The following NUDT9 variants were observed in gnomAD, a reference collection of about 807,000 sequenced individuals.
The protein encoded by NUDT9 is nudix hydrolase 9.
A neutral mutation model predicts 41.0 loss-of-function variants in NUDT9; 31 were observed. The observed-to-expected ratio is 0.76, with a 90% CI of 0.57 to 1.02. NUDT9 has a LOEUF of 1.02. NUDT9 is among the 50% of genes least tolerant of loss of function. The pLI, the probability that NUDT9 is intolerant of heterozygous loss-of-function variation, is 0.00. For missense variants in NUDT9, 380 were observed against 431.4 expected (o/e 0.88, Z 1.06); for synonymous variants, 146 against 147.6 (o/e 0.99, Z 0.08).
At chr4:87,435,432 A>G (rs541713288) in intron 2 of NUDT9, among the ~76,000 whole-genome samples, 1 of 152,348 alleles carries the variant, frequency 6.6e-6, no homozygotes, top group South Asian at 2.1e-4. Flanking sequence ...ACTTCCAAAT[A>G]GTTAAATCTG....
At chr4:87,438,816 T>C (rs1337455458) in intron 3 of NUDT9, among the ~76,000 whole-genome samples, 1 of 152,170 alleles carries the variant, frequency 6.6e-6, no homozygotes, top group East Asian at 1.9e-4. Flanking sequence ...AACTCAAAAA[T>C]TATCCATTTT....
intron 1 of NUDT9, among the ~76,000 whole-genome samples, chr4:87,431,243 A>G (rs780549454): frequency 6.6e-6 from 1 of 152,204 alleles, no homozygotes; most frequent in Non-Finnish European, 1.5e-5. Context: ...GTCAAAAATT[A>G]TTGTGAGGAT....
intron 1 of NUDT9, among the ~76,000 whole-genome samples, chr4:87,427,499 A>G (rs1346438208): frequency 6.6e-6 from 1 of 152,218 alleles, no homozygotes. Context: ...TAAATAGCAT[A>G]TATAGATAGC....
At chr4:87,449,927 A>G (rs762666006) in intron 5 of NUDT9, among the ~76,000 whole-genome samples, 1 of 152,038 alleles carries the variant, frequency 6.6e-6, no homozygotes, top group Non-Finnish European at 1.5e-5. Flanking sequence ...CATTGGCGCA[A>G]TCTTGGCTCA....
chr4:87,445,232 A>G (rs1409067732), intron 4 of NUDT9: 1 of 151,936 alleles, frequency 6.6e-6, no homozygotes, highest in Admixed American at 6.6e-5. Flanking sequence ...CTGACATCTG[A>G]ATCAGGGGTA....
chr4:87,426,649 A>G (rs2110157549), intron 1 of NUDT9, among the ~76,000 whole-genome samples: 1 of 151,548 alleles, frequency 6.6e-6, no homozygotes, highest in East Asian at 2.0e-4. Flanking sequence ...TGACCTTGCG[A>G]TCGCCTGCCT....
rs1721877603 is a variant in NUDT9, at chr4:87,435,236, AGC to A, written c.347+18_347+19del. 6.3e-7 allele frequency: 1 copy of A among 1,597,950 alleles called. No homozygotes were observed. Among genetic ancestry groups the A allele is most frequent in the African/African-American group, 1.3e-5 (1 of 74,258 alleles). On this transcript the variant is annotated intron_variant, in intron 2 of 7. Transcript: ENST00000302174. Reference sequence around the variant, plus strand: ...CTCAGATCAGGTGAGCAAATAAGACAGCGTTAGCTGGGAATAAGACTTTTAGA... The same window carrying A: ...CTCAGATCAGGTGAGCAAATAAGACAGTTAGCTGGGAATAAGACTTTTAGA...
At chr4:87,436,896 C>A (rs1331690517) in intron 2 of NUDT9, among the ~76,000 whole-genome samples, 1 of 152,090 alleles carries the variant, frequency 6.6e-6, no homozygotes, top group Non-Finnish European at 1.5e-5. Context: ...ACTGTCAGTG[C>A]AATTATGGCA....
chr4:87,454,543 A>G, intron 7 of NUDT9, 88 bp downstream of exon 7: 1 of 886,794 alleles, frequency 1.1e-6, no homozygotes. Context: ...TGGACTATTT[A>G]GCATCTTAAA....
chr4:87,446,746 T>C (rs1289295710), intron 4 of NUDT9, among the ~76,000 whole-genome samples: 2 of 152,214 alleles, frequency 1.3e-5, no homozygotes, highest in South Asian at 2.1e-4. Flanking sequence ...AACTATGTTA[T>C]AGGGTTGTTT....
chr4:87,451,736 G>A lies in NUDT9; in HGVS notation c.789+1G>A. ...ACTCTTCAGCCAAGACCACCTAGTG[G>A]TAAGAAATAGTGTTTCTGGGAGGGA... is the stretch of plus-strand genomic sequence containing the variant. On this transcript the variant is annotated splice_donor_variant, in intron 6 of 7. Transcript: ENST00000302174. LOFTEE classifies it high-confidence loss of function. The A allele has an allele frequency of 6.2e-7, 1 of 1,612,778 alleles. No individual in the cohort carries two copies. Among genetic ancestry groups the A allele is most frequent in the South Asian group, 1.1e-5 (1 of 90,958 alleles).
chr4:87,422,863 A>T lies in NUDT9; in HGVS notation c.-43A>T. 1 of 1,533,656 alleles carries T rather than the reference A, an allele frequency of 6.5e-7. No homozygotes were observed. Among genetic ancestry groups the T allele is most frequent in the Non-Finnish European group, 8.9e-7 (1 of 1,121,768 alleles). ...GGGGTGTGGGGAGGCGGAGGCACCA[A>T]CTAAGAGCGACCTAGCATCGCAAAG... On this transcript the variant is annotated 5_prime_UTR_variant, in exon 1 of 8. Transcript: ENST00000302174.
At chr4:87,456,348 T>C (rs1026823316) in intron 7 of NUDT9, among the ~76,000 whole-genome samples, 5 of 152,176 alleles carry the variant, frequency 3.3e-5, no homozygotes, top group Non-Finnish European at 5.9e-5. Context: ...CCCCAATCCT[T>C]AGGAAAGACA....
chr4:87,424,474 A>G (rs560913949), intron 1 of NUDT9, among the ~76,000 whole-genome samples: 16 of 151,878 alleles, frequency 1.1e-4, no homozygotes, highest in African/African-American at 3.4e-4. Flanking sequence ...GGTTAGGCTG[A>G]TCTGGTCTTG....
chr4:87,423,022 C>G lies in NUDT9; in HGVS notation c.107+10C>G. The G allele has an allele frequency of 6.2e-7, 1 of 1,602,988 alleles. No individual in the cohort carries two copies. The highest frequency in any genetic ancestry group is 8.5e-7 in the Non-Finnish European group (1 of 1,172,022). On this transcript the variant is annotated intron_variant, in intron 1 of 7. Transcript: ENST00000302174. ...GCATCCAGGCGTTCAGGTATTCCAC[C>G]CTCCTACTACCGGCTCCTTTGCCCT...
At chr4:87,431,263 G>T (rs936128445) in intron 1 of NUDT9, among the ~76,000 whole-genome samples, 1 of 152,042 alleles carries the variant, frequency 6.6e-6, no homozygotes, top group South Asian at 2.1e-4. Context: ...TTTATTTCTG[G>T]GTTCTACTTC....
intron 5 of NUDT9, 57 bp downstream of exon 5, chr4:87,449,310 A>T (rs1722609583): frequency 1.1e-6 from 1 of 890,780 alleles, no homozygotes; most frequent in African/African-American, 1.7e-5. Flanking sequence ...TACTTACTAC[A>T]GGGTTATTGT....
intron 1 of NUDT9, among the ~76,000 whole-genome samples, chr4:87,433,456 T>TA (rs1214238462): frequency 6.6e-6 from 1 of 152,230 alleles, no homozygotes; most frequent in Non-Finnish European, 1.5e-5. Flanking sequence ...TTGGGAGAAA[T>TA]ACCTCAAATG....
chr4:87,446,198 A>G (rs1722444816), intron 4 of NUDT9, among the ~76,000 whole-genome samples: 1 of 151,286 alleles, frequency 6.6e-6, no homozygotes, highest in African/African-American at 2.4e-5. Context: ...AGTAGGTGCC[A>G]GTAAATGTTT....
Sources: gnomAD v4.1 joint callset for allele counts (sites outside exome capture counted in the v4.1 genomes callset) on GRCh38, gnomAD v4.1.1 for gene constraint, MANE v1.5 for transcripts, NCBI Gene and HGNC (gene_info 2026-07-23, HGNC 2026-07-21) for gene names.